TMEM161A: variants seen among roughly 807,000 people sequenced by gnomAD.
The protein encoded by TMEM161A is adaptive response to oxidative stress protein 29.
Under a neutral mutation model 57.1 loss-of-function variants are expected in TMEM161A, and 46 were observed. That is an observed-to-expected ratio of 0.81 (90% CI 0.64 to 1.03). The LOEUF is 1.03. TMEM161A is among the 50% of genes least tolerant of loss of function. TMEM161A has a pLI of 0.00. For synonymous variants in TMEM161A, 288 were observed against 279.0 expected, an observed-to-expected ratio of 1.03 and a Z score of -0.32; for missense variants, 601 against 621.5, an observed-to-expected ratio of 0.97 and a Z score of 0.35.
At position 19,121,528 on chromosome 19, in the gene TMEM161A, A is replaced by T. The variant is rs749553795; in HGVS notation, c.797T>A (p.Leu266Gln). 6.2e-7 allele frequency: 1 copy of T among 1,613,862 alleles called. No individual in the cohort carries two copies. Among genetic ancestry groups the T allele is most frequent in the Non-Finnish European group, 8.5e-7 (1 of 1,179,888 alleles). The change falls in exon 8 of 12, where the codon CTG becomes CAG. Residue 266 changes from leucine to glutamine, a missense_variant. Physicochemically the swap from Leu to Gln is moderately radical, Grantham distance 113. Coordinates refer to ENST00000162044, the MANE Select transcript of TMEM161A (RefSeq NM_017814.3). The surrounding 1 kb of genome is among the most constrained non-coding windows in gnomAD (Gnocchi z 5.8). ...CCCACCAAGCGACCCACTTAACTGC[A>T]GCATGGGTCTGTCCTCCGACATGGT... ...ALTMSEDRPMLQFLLHTSFLS... is the reference protein window; with the variant it reads ...ALTMSEDRPMQQFLLHTSFLS...
At chr19:19,120,291 G>T in intron 11 of TMEM161A, 108 bp from the exon 12 acceptor site, 2 of 989,612 alleles carry the variant, frequency 2.0e-6, no homozygotes, top group Non-Finnish European at 2.9e-6. Flanking sequence ...TCCCACCCCT[G>T]TCTCAGACTC....
Position 19,133,221 on chromosome 19 carries a change from G to A in TMEM161A, c.108-11C>T, listed in dbSNP as rs199815055. The A allele has an allele frequency of 1.7e-4, 282 of 1,613,926 alleles. No homozygotes were observed. The African/African-American group carries it at 3.1e-3, about 18-fold the overall frequency. ...TTGTATCGGAACAAACTGAGAGCAAGGACGGGCAGTCAGGGAAGCTCAGGC... is the reference window on the plus strand; with the variant it reads ...TTGTATCGGAACAAACTGAGAGCAAAGACGGGCAGTCAGGGAAGCTCAGGC... On this transcript the variant is annotated splice_polypyrimidine_tract_variant and intron_variant, in intron 2 of 11. Coordinates refer to ENST00000162044, the MANE Select transcript of TMEM161A (RefSeq NM_017814.3).
chr19:19,138,050 C>T (rs1319620567), intron 1 of TMEM161A, among the ~76,000 whole-genome samples: 2 of 152,164 alleles, frequency 1.3e-5, no homozygotes, highest in East Asian at 3.9e-4. Flanking sequence ...GGACCCCCGT[C>T]CCCAGAGTGG....
At position 19,138,366 on chromosome 19, in the gene TMEM161A, G is replaced by C. The variant is rs907118340; in HGVS notation, c.3+60C>G. ...AATCCATTCCCTCAGTGTCTCCCTG[G>C]ACCCCTTCGGCTGGACCTCGGCCCT... On this transcript the variant is annotated intron_variant, in intron 1 of 11. Transcript: ENST00000162044. 24 of 1,577,036 alleles carry C rather than the reference G, an allele frequency of 1.5e-5. No individual in the cohort carries two copies. In the Admixed American group the frequency reaches 4.1e-4, roughly 27 times the overall value.
In TMEM161A at chr19:19,121,011, G is replaced by A. The variant is rs1201404760; in HGVS notation, c.1070C>T (p.Ala357Val). 7 of 1,607,848 alleles carry A rather than the reference G, an allele frequency of 4.4e-6. No homozygotes were observed. The Admixed American group carries it at 8.4e-5, about 19-fold the overall frequency. The change falls in exon 10 of 12, where the codon GCC (alanine) becomes GTC (valine). Residue 357 changes from alanine to valine, a missense_variant. Coordinates refer to ENST00000162044, the MANE Select transcript of TMEM161A (RefSeq NM_017814.3). This position sits in a 1 kb window ranked among gnomAD's most constrained non-coding sequence, Gnocchi z 5.8. ...CCATACCCTCTGCTGGATTTCACGG[G>A]CTTCGATGCGGCCAGCCTCCCTTCG... The part of the protein sequence containing the change: ...QLRREAGRIE[A>V]REIQQRVVRV...
intron 6 of TMEM161A, among the ~76,000 whole-genome samples, chr19:19,129,218 GT>G (rs770626067): frequency 1.6e-4 from 24 of 152,140 alleles, no homozygotes; most frequent in Non-Finnish European, 3.1e-4. Flanking sequence ...TGAGGGGTAG[GT>G]TTGCAGGTAC....
At chr19:19,126,347 A>G (rs2059931259) in intron 6 of TMEM161A, among the ~76,000 whole-genome samples, 1 of 152,230 alleles carries the variant, frequency 6.6e-6, no homozygotes, top group Non-Finnish European at 1.5e-5. Context: ...AAAATAATGC[A>G]AATAGTGGTC....
Position 19,121,403 on chromosome 19 carries a change from G to A in TMEM161A, c.819C>T (p.Ser273=), listed in dbSNP as rs2059909769. The change falls in exon 9 of 12, where the codon AGC becomes AGT. Residue 273 remains serine (S), a synonymous_variant. Transcript: ENST00000162044. This position sits in a 1 kb window ranked among gnomAD's most constrained non-coding sequence, Gnocchi z 5.8. ...ACAGGATGAACAGGGGAGACAGGAA[G>A]CTGGTGTGCAGGAGGAACCTGGGGG... ...RPMLQFLLHT[S]FLSPLFILWL... is the part of the protein sequence containing the mutation. 3.1e-6 allele frequency: 5 copies of A among 1,613,582 alleles called. No homozygotes were observed. Among genetic ancestry groups the A allele is most frequent in the Non-Finnish European group, 4.2e-6 (5 of 1,179,750 alleles).
rs762095966 is a variant in TMEM161A at position 19,130,159 on chromosome 19, G to C, written c.592C>G (p.Pro198Ala). ...REETLELGLE[P>A]GLASMTQNLE... is the part of the protein sequence containing the mutation. The stretch of plus-strand genomic sequence containing the variant: ...CCACGTTGGGGGCTGCACTTACCAG[G>C]CTCCAGGCCCAGCTCGAGGGTCTCC... The change falls in exon 6 of 12, where the codon CCT becomes GCT. Residue 198 changes from proline to alanine, a missense_variant. Pro to Ala is a conservative substitution (Grantham distance 27). Transcript: ENST00000162044. 1.8e-5 allele frequency: 29 copies of C among 1,613,030 alleles called. No individual in the cohort carries two copies. The highest frequency in any genetic ancestry group is 2.5e-5 in the Non-Finnish European group (29 of 1,180,032).
At position 19,121,174 on chromosome 19, in the gene TMEM161A, G is replaced by T; in HGVS notation, c.915-8C>A. On this transcript the variant is annotated splice_polypyrimidine_tract_variant and splice_region_variant and intron_variant, in intron 9 of 11. Coordinates refer to ENST00000162044, the MANE Select transcript of TMEM161A (RefSeq NM_017814.3). The surrounding 1 kb of genome is among the most constrained non-coding windows in gnomAD (Gnocchi z 5.8). ...AAGGCAGAATCGGACAGCCTGTGCGGAGAGGGCCGGGGGCAAGGGACTAAG... is the reference window on the plus strand; with the variant it reads ...AAGGCAGAATCGGACAGCCTGTGCGTAGAGGGCCGGGGGCAAGGGACTAAG... 6.3e-7 allele frequency: 1 copy of T among 1,596,624 alleles called. No individual in the cohort carries two copies. Among genetic ancestry groups the T allele is most frequent in the Non-Finnish European group, 8.5e-7 (1 of 1,171,422 alleles).
In TMEM161A at chr19:19,134,776, G is replaced by A. The variant is rs2146339318; in HGVS notation, c.107+8C>T. 1.3e-6 allele frequency: 2 copies of A among 1,555,874 alleles called. No individual in the cohort carries two copies. The highest frequency in any genetic ancestry group is 4.9e-5 in the East Asian group (2 of 41,112). ...GCGGGCCCCTCCCACCGCCGGGGCG[G>A]GGCTCACCTGCCGTTACAGAGCAGC... On this transcript the variant is annotated splice_region_variant and intron_variant, in intron 2 of 11. Transcript: ENST00000162044.
In TMEM161A at chr19:19,132,845, C is replaced by T. The variant is rs1162104745; in HGVS notation, c.189-91G>A. 1.9e-6 allele frequency: 2 copies of T among 1,057,756 alleles called. No individual in the cohort carries two copies. Among genetic ancestry groups the T allele is most frequent in the Non-Finnish European group, 2.7e-6 (2 of 740,358 alleles). The allele number at this position is 1,057,756 out of a possible 1,614,324, so 65.5% of individuals were successfully genotyped here. A position where few individuals can be genotyped will look rare whatever the true frequency, so the allele number is the denominator to read the frequency against. On this transcript the variant is annotated intron_variant, in intron 3 of 11. Transcript: ENST00000162044. This position sits in a 1 kb window ranked among gnomAD's most constrained non-coding sequence, Gnocchi z 4.3. Reference sequence around the variant, plus strand: ...GAGCTCAGAGCAGCTGGCCTGGAGACCATCTCTTTCCACAACCTTGGCTCC... The same window carrying T: ...GAGCTCAGAGCAGCTGGCCTGGAGATCATCTCTTTCCACAACCTTGGCTCC...
At chr19:19,134,264 CAT>C (rs111592189) in intron 2 of TMEM161A, among the ~76,000 whole-genome samples, 21 of 152,220 alleles carry the variant, frequency 1.4e-4, no homozygotes, top group African/African-American at 4.6e-4. Flanking sequence ...TGGTTCCACA[CAT>C]GTGTACACCT....
chr19:19,138,361 C>G (rs1212468235), intron 1 of TMEM161A, 65 bp downstream of exon 1: 9 of 1,572,270 alleles, frequency 5.7e-6, no homozygotes, highest in Non-Finnish European at 6.9e-6. Flanking sequence ...CTCAGTGTCT[C>G]CCTGGACCCC....
Position 19,132,371 on chromosome 19 carries a change from G to A in TMEM161A, c.424C>T (p.Leu142Phe). ...GGATACATGGAGAAGGTCACCGTGA[G>A]CAGGCACCAGAACACAGCAATGTTA... Reference protein sequence around the residue: ...ETNIAVFWCLLTVTFSIKMFL... With the variant: ...ETNIAVFWCLFTVTFSIKMFL... The change falls in exon 5 of 12, where the codon CTC becomes TTC. Residue 142 changes from leucine (L) to phenylalanine (F), a missense_variant. Transcript: ENST00000162044. This position sits in a 1 kb window ranked among gnomAD's most constrained non-coding sequence, Gnocchi z 4.3. 6.2e-7 allele frequency: 1 copy of A among 1,613,694 alleles called. No homozygotes were observed. Among genetic ancestry groups the A allele is most frequent in the Non-Finnish European group, 8.5e-7 (1 of 1,179,748 alleles).
Position 19,121,629 on chromosome 19 carries a change from T to G in TMEM161A, c.696A>C (p.Ala232=). The G allele has an allele frequency of 1.2e-6, 2 of 1,613,960 alleles. No homozygotes were observed. Among genetic ancestry groups the G allele is most frequent in the Non-Finnish European group, 1.7e-6 (2 of 1,179,950 alleles). The change falls in exon 8 of 12, where the codon GCA becomes GCC. Residue 232 remains alanine, a synonymous_variant. Coordinates refer to ENST00000162044, the MANE Select transcript of TMEM161A (RefSeq NM_017814.3). The surrounding 1 kb of genome is among the most constrained non-coding windows in gnomAD (Gnocchi z 5.8). ...AGGCACCCAGCACAGAGCCCACCACTGCCAGTCCCACGCGGATAGCCAGCT... is the reference window on the plus strand; with the variant it reads ...AGGCACCCAGCACAGAGCCCACCACGGCCAGTCCCACGCGGATAGCCAGCT... ...VAKLAIRVGL[A]VVGSVLGAFL... is the part of the protein sequence containing the mutation.
chr19:19,121,043 C>T lies in TMEM161A; in HGVS notation c.1038G>A (p.Glu346=), dbSNP rs1042572374. The T allele has an allele frequency of 3.1e-6, 5 of 1,611,380 alleles. No homozygotes were observed. Among genetic ancestry groups the T allele is most frequent in the Non-Finnish European group, 3.4e-6 (4 of 1,179,152 alleles). The stretch of plus-strand genomic sequence containing the variant: ...TGCGGCCAGCCTCCCTTCGCAGCTG[C>T]TCCACCCGGGCCTTGGCCAGGCACA... ...AYLCLAKARV[E]QLRREAGRIE... is the part of the protein sequence containing the mutation. The change falls in exon 10 of 12, where the codon GAG becomes GAA. Residue 346 remains glutamate (E), a synonymous_variant. Coordinates refer to ENST00000162044, the MANE Select transcript of TMEM161A (RefSeq NM_017814.3). The surrounding 1 kb of genome is among the most constrained non-coding windows in gnomAD (Gnocchi z 5.8).
intron 6 of TMEM161A, among the ~76,000 whole-genome samples, chr19:19,128,966 A>G (rs2059944528): frequency 6.6e-6 from 1 of 152,248 alleles, no homozygotes. Flanking sequence ...ATGGGCAACA[A>G]TGTGAACAGG....
intron 1 of TMEM161A, among the ~76,000 whole-genome samples, chr19:19,135,261 G>A (rs1316870502): frequency 6.6e-6 from 1 of 151,996 alleles, no homozygotes; most frequent in Non-Finnish European, 1.5e-5. Context: ...CCACCTTCCA[G>A]CCCCTAACCA....
Sources: gnomAD v4.1 joint callset for allele counts (sites outside exome capture counted in the v4.1 genomes callset) on GRCh38, gnomAD v4.1.1 for gene constraint, Gnocchi (gnomAD v3.1) non-coding constraint, MANE v1.5 for transcripts, NCBI Gene and HGNC (gene_info 2026-07-23, HGNC 2026-07-21) for gene names.